The following TNIK variants were observed in gnomAD, a reference collection of about 807,000 sequenced individuals.
The protein encoded by TNIK is TRAF2 and NCK interacting kinase.
A neutral mutation model predicts 191.3 loss-of-function variants in TNIK; 49 were observed. That is an observed-to-expected ratio of 0.26 (90% CI 0.20 to 0.32). The LOEUF (loss-of-function observed/expected upper bound fraction) is 0.32, where lower values mean the gene tolerates loss of function less well. TNIK is among the 10% of genes least tolerant of loss of function. The pLI is 1.00. For synonymous variants in TNIK, 594 were observed against 600.9 expected, an observed-to-expected ratio of 0.99 and a Z score of 0.17; for missense variants, 1,155 against 1,702.3, an observed-to-expected ratio of 0.68 and a Z score of 5.66.
chr3:171,231,241 C>A (rs1743589301), intron 2 of TNIK, among the ~76,000 whole-genome samples: 1 of 151,908 alleles, frequency 6.6e-6, no homozygotes, highest in Admixed American at 6.6e-5. Context: ...AATAAGATAT[C>A]AGCTCTTTTA....
chr3:171,451,326 G>A (rs534643088), intron 1 of TNIK, among the ~76,000 whole-genome samples: 6 of 152,290 alleles, frequency 3.9e-5, no homozygotes, highest in Admixed American at 1.3e-4. Context: ...CCAACATCCA[G>A]CACCACATAA....
At chr3:171,290,914 C>A (rs1453501412) in intron 2 of TNIK, among the ~76,000 whole-genome samples, 1 of 152,146 alleles carries the variant, frequency 6.6e-6, no homozygotes, top group East Asian at 1.9e-4. Context: ...GCCCATAGCA[C>A]CAAAATGATC....
intron 19 of TNIK, 33 bp from the exon 20 acceptor site, chr3:171,108,195 A>G (rs1187583660): frequency 1.3e-6 from 2 of 1,490,800 alleles, no homozygotes; most frequent in African/African-American, 1.4e-5. Flanking sequence ...CAAGAAAGAG[A>G]TGGCCATCAA....
chr3:171,218,037 T>TGTTCTACATAA lies in TNIK; in HGVS notation c.181-6797_181-6796insTTATGTAGAAC, dbSNP rs1301068345. 1.4e-4 allele frequency among the ~76,000 whole-genome samples: 21 copies of TGTTCTACATAA among 152,278 alleles called. No individual in the cohort carries two copies. In the East Asian group the frequency reaches 3.9e-3, roughly 28 times the overall value. On this transcript the variant is annotated intron_variant, in intron 3 of 32. Transcript: ENST00000436636. The stretch of plus-strand genomic sequence containing the variant: ...TAACAACAATAGGCACAGAATACCG[T>TGTTCTACATAA]GTTCTACATATTGTTCTGAAACCCT...
At chr3:171,291,708 G>T (rs550597454) in intron 2 of TNIK, among the ~76,000 whole-genome samples, 2 of 152,174 alleles carry the variant, frequency 1.3e-5, no homozygotes, top group South Asian at 4.2e-4. Flanking sequence ...GATATGCTTT[G>T]GTGTGACATT....
At chr3:171,365,359 T>G (rs1438311798) in intron 2 of TNIK, among the ~76,000 whole-genome samples, 1 of 151,674 alleles carries the variant, frequency 6.6e-6, no homozygotes, top group African/African-American at 2.4e-5. Flanking sequence ...ATTTTGTATT[T>G]TTAGTAGAGA....
intron 2 of TNIK, among the ~76,000 whole-genome samples, chr3:171,303,608 A>G (rs1297835848): frequency 6.6e-6 from 1 of 152,200 alleles, no homozygotes; most frequent in Admixed American, 6.5e-5. Context: ...CCTTCCATCA[A>G]GAATTTGGGG....
intron 23 of TNIK, among the ~76,000 whole-genome samples, chr3:171,090,401 C>CT (rs533055335): frequency 1.3e-5 from 2 of 150,210 alleles, no homozygotes; most frequent in South Asian, 4.3e-4. Context: ...AAAAAATGTT[C>CT]TTTTTTTTCT....
At chr3:171,414,215 C>T (rs1177302973) in intron 1 of TNIK, among the ~76,000 whole-genome samples, 4 of 152,216 alleles carry the variant, frequency 2.6e-5, no homozygotes, top group African/African-American at 7.2e-5. Context: ...GATAGGGTCT[C>T]ACACAGAGCA....
At chr3:171,167,357 CT>C in intron 9 of TNIK, 87 bp from the exon 10 acceptor site, 1 of 1,514,654 alleles carries the variant, frequency 6.6e-7, no homozygotes, top group Admixed American at 2.1e-5. Context: ...GGGACTTTTT[CT>C]TTTTTTAAGG....
chr3:171,287,237 C>G (rs986855050), intron 2 of TNIK, among the ~76,000 whole-genome samples: 3 of 152,060 alleles, frequency 2.0e-5, no homozygotes, highest in African/African-American at 7.2e-5. Context: ...CAAAATTGAA[C>G]AAAAATTCTC....
In TNIK at chr3:171,254,593, C is replaced by T. The variant is rs867529690; in HGVS notation, c.124-26372G>A. Among the ~76,000 whole-genome samples, 3 of 152,204 alleles carry T rather than the reference C, an allele frequency of 2.0e-5. No individual in the cohort carries two copies. In the South Asian group the frequency reaches 6.2e-4, roughly 31 times the overall value. The stretch of plus-strand genomic sequence containing the variant: ...CATATTAATAATCCTATAAGCCTCT[C>T]TTTGGGGCAGAAAACAATGATCATT... On this transcript the variant is annotated intron_variant, in intron 2 of 32. Coordinates refer to ENST00000436636, the MANE Select transcript of TNIK (RefSeq NM_015028.4).
chr3:171,236,587 A>C (rs2109020456), intron 2 of TNIK, among the ~76,000 whole-genome samples: 1 of 152,274 alleles, frequency 6.6e-6, no homozygotes, highest in South Asian at 2.1e-4. Flanking sequence ...ACATCCTTTC[A>C]CCTCTGCCTC....
At chr3:171,373,127 G>A (rs1716746285) in intron 1 of TNIK, among the ~76,000 whole-genome samples, 2 of 152,168 alleles carry the variant, frequency 1.3e-5, no homozygotes. Context: ...AGCTTGAACA[G>A]TATAAGCATT....
Position 171,084,290 on chromosome 3 carries a change from C to G in TNIK, c.3034G>C (p.Ala1012Pro). ...FTSELLRQEQ[A>P]KLNEARKISV... ...ATCTTTCTTGCTTCATTGAGTTTGG[C>G]CTGTTCTTGCCTAAGAAGTTCGCTA... is the stretch of plus-strand genomic sequence containing the variant. The change falls in exon 26 of 33, where the codon GCC becomes CCC. Residue 1012 changes from alanine (A) to proline (P), a missense_variant. Ala to Pro is a conservative substitution (Grantham distance 27). Transcript: ENST00000436636. The G allele has an allele frequency of 6.2e-7, 1 of 1,613,620 alleles. No individual in the cohort carries two copies. The highest frequency in any genetic ancestry group is 8.5e-7 in the Non-Finnish European group (1 of 1,179,718).
At position 171,168,053 on chromosome 3, in the gene TNIK, C is replaced by T. The variant is rs571608995; in HGVS notation, c.774-783G>A. ...AATATTTCCTCAAAGATAAACCCCA[C>T]GCCAGAGACCTGGCAGGGGAGAGCT... On this transcript the variant is annotated intron_variant, in intron 9 of 32. Transcript: ENST00000436636. Among the ~76,000 whole-genome samples, 9 of 152,308 alleles carry T rather than the reference C, an allele frequency of 5.9e-5. No homozygotes were observed. The East Asian group carries it at 7.7e-4, about 13-fold the overall frequency.
chr3:171,190,802 A>T lies in TNIK; in HGVS notation c.418-15T>A, dbSNP rs1737973916. ...TGACTCAGCCCCTGGAGTGATGGAG[A>T]GTTAAGAAGGGTTAATAGGAACATA... On this transcript the variant is annotated splice_polypyrimidine_tract_variant and intron_variant, in intron 5 of 32. Transcript: ENST00000436636. 1 of 1,570,012 alleles carries T rather than the reference A, an allele frequency of 6.4e-7. No individual in the cohort carries two copies. Among genetic ancestry groups the T allele is most frequent in the Admixed American group, 1.9e-5 (1 of 53,564 alleles).
intron 2 of TNIK, among the ~76,000 whole-genome samples, chr3:171,367,473 T>TGGGG (rs200146363): frequency 8.4e-6 from 1 of 118,506 alleles, no homozygotes; most frequent in African/African-American, 3.0e-5. Flanking sequence ...AGCATTTTTT[T>TGGGG]GGGGGGGGGG....
intron 1 of TNIK, among the ~76,000 whole-genome samples, chr3:171,410,232 T>C (rs1006596401): frequency 3.9e-5 from 6 of 152,202 alleles, no homozygotes; most frequent in African/African-American, 4.8e-5. Flanking sequence ...TAAAACTTAG[T>C]GGCTTTAAGT....
Sources: allele counts gnomAD v4.1 joint callset (sites outside exome capture counted in the v4.1 genomes callset), GRCh38; gene constraint gnomAD v4.1.1; transcripts MANE v1.5; gene names NCBI Gene and HGNC (gene_info 2026-07-23, HGNC 2026-07-21).